VPS53: variants seen among roughly 807,000 people sequenced by gnomAD.
VPS53 encodes vacuolar protein sorting-associated protein 53 homolog.
Under a neutral mutation model 107.0 loss-of-function variants are expected in VPS53, and 70 were observed. That is an observed-to-expected ratio of 0.65 (90% CI 0.54 to 0.80). The LOEUF is 0.80. Among genes scored for constraint, VPS53 ranks in the 30% least tolerant of loss-of-function variants. VPS53 has a pLI of 0.00. For synonymous variants in VPS53, 409 were observed against 393.3 expected (o/e 1.04, Z -0.47); for missense variants, 917 against 1,049.4 (o/e 0.87, Z 1.74).
chr17:646,173 T>C (rs1231289247), intron 7 of VPS53, among the ~76,000 whole-genome samples: 2 of 122,330 alleles, frequency 1.6e-5, no homozygotes, highest in East Asian at 3.0e-4. Context: ...TTCTAATTCA[T>C]ACCACGGACT....
rs1208808537 is a variant in VPS53, at chr17:629,946, C to G, written c.687+1604G>C. On this transcript the variant is annotated intron_variant, in intron 8 of 21. Transcript: ENST00000437048. ...CTGGGAAAAAAAATATAAAGCAGGCCTCTTCTAAACAATAAAGATGGGCTT... is the reference window on the plus strand; with the variant it reads ...CTGGGAAAAAAAATATAAAGCAGGCGTCTTCTAAACAATAAAGATGGGCTT... 2.6e-5 allele frequency among the ~76,000 whole-genome samples: 4 copies of G among 151,866 alleles called. No homozygotes were observed. In the South Asian group the frequency reaches 8.3e-4, roughly 32 times the overall value.
At chr17:589,047 T>C (rs909437383) in intron 12 of VPS53, among the ~76,000 whole-genome samples, 6 of 152,062 alleles carry the variant, frequency 3.9e-5, no homozygotes, top group African/African-American at 1.4e-4. Context: ...TATCTTTTTA[T>C]TAATTAAATA....
chr17:628,118 C>T lies in VPS53; in HGVS notation c.801G>A (p.Glu267=), dbSNP rs1188712069. 6.2e-7 allele frequency: 1 copy of T among 1,613,586 alleles called. No individual in the cohort carries two copies. The highest frequency in any genetic ancestry group is 8.5e-7 in the Non-Finnish European group (1 of 1,179,860). The change falls in exon 9 of 22, where the codon GAG becomes GAA. Residue 267 remains glutamate, a synonymous_variant. Coordinates refer to ENST00000437048, the MANE Select transcript of VPS53 (RefSeq NM_001128159.3). ...IKKFIKQHLS[E]YLVLFQENQD... is the part of the protein sequence containing the mutation. ...GGTTTTCTTGAAAAAGTACCAGATACTCTGACAGATGCTGTTTAATAAACT... is the reference window on the plus strand; with the variant it reads ...GGTTTTCTTGAAAAAGTACCAGATATTCTGACAGATGCTGTTTAATAAACT...
At chr17:598,130 C>T (rs1316625122) in intron 12 of VPS53, among the ~76,000 whole-genome samples, 2 of 152,246 alleles carry the variant, frequency 1.3e-5, no homozygotes, top group Non-Finnish European at 2.9e-5. Context: ...CGCCGCCACA[C>T]CTGACTGGTT....
At chr17:541,599 G>A (rs1437402413) in intron 17 of VPS53, among the ~76,000 whole-genome samples, 16 of 144,656 alleles carry the variant, frequency 1.1e-4, no homozygotes, top group Non-Finnish European at 2.1e-4. Flanking sequence ...AGGTGCTGAA[G>A]GAACGTTTAT....
chr17:551,448 G>A (rs2151837188), intron 17 of VPS53, among the ~76,000 whole-genome samples: 1 of 152,176 alleles, frequency 6.6e-6, no homozygotes, highest in South Asian at 2.1e-4. Context: ...TGCACCTGTG[G>A]TCTCAGCTAC....
chr17:590,998 C>T (rs1967615725), intron 12 of VPS53, among the ~76,000 whole-genome samples: 2 of 151,894 alleles, frequency 1.3e-5, no homozygotes, highest in African/African-American at 4.8e-5. Flanking sequence ...GCTGTGAATC[C>T]ATCTGGTCCT....
intron 2 of VPS53, among the ~76,000 whole-genome samples, chr17:703,801 T>A (rs891967446): frequency 2.0e-5 from 3 of 150,578 alleles, no homozygotes; most frequent in Admixed American, 1.3e-4. Context: ...CAATTTGGCA[T>A]CTTTTTTTTT....
At chr17:624,394 C>A (rs1969600878) in intron 10 of VPS53, among the ~76,000 whole-genome samples, 1 of 152,194 alleles carries the variant, frequency 6.6e-6, no homozygotes, top group Non-Finnish European at 1.5e-5. Context: ...AAGTGGCAAG[C>A]ACGCTTAGCT....
At chr17:545,076 T>C (rs116393017) in intron 17 of VPS53, among the ~76,000 whole-genome samples, 1,542 of 152,136 alleles carry the variant, frequency 0.01, 25 homozygotes, top group African/African-American at 0.036. Context: ...GTGAAGAAAT[T>C]TTTTTATGAA....
rs1908393870 is a variant in VPS53 at position 517,522 on chromosome 17, A to C, written c.*1606T>G. On this transcript the variant is annotated 3_prime_UTR_variant, in exon 22 of 22. Coordinates refer to ENST00000437048, the MANE Select transcript of VPS53 (RefSeq NM_001128159.3). ...TATGGATTTTAAGGAAATTTCCTCT[A>C]TCCTGAAAACTTTTTGAGAAGGGGT... The C allele has an allele frequency of 2.5e-6, 1 of 398,212 alleles. No homozygotes were observed. Among genetic ancestry groups the C allele is most frequent in the Admixed American group, 4.4e-5 (1 of 22,694 alleles). The allele number at this position is 398,212 out of a possible 1,614,324, so 24.7% of individuals were successfully genotyped here.
intron 4 of VPS53, among the ~76,000 whole-genome samples, chr17:679,023 A>G (rs907986217): frequency 1.3e-5 from 2 of 152,190 alleles, no homozygotes; most frequent in African/African-American, 2.4e-5. Flanking sequence ...CTCTTCTTAC[A>G]TAACAAGAAG....
intron 5 of VPS53, 67 bp downstream of exon 5, chr17:661,742 G>A (rs1444101328): frequency 6.9e-7 from 1 of 1,444,134 alleles, no homozygotes; most frequent in Non-Finnish European, 9.4e-7. Context: ...CTCATTATTA[G>A]AATGCCTAGA....
chr17:680,560 T>C (rs187633940), intron 4 of VPS53, among the ~76,000 whole-genome samples: 96 of 152,324 alleles, frequency 6.3e-4, no homozygotes, highest in African/African-American at 1.9e-3. Context: ...CAGTACATGC[T>C]GAGAGGGCAT....
chr17:713,548 G>A (rs942710037), intron 1 of VPS53, among the ~76,000 whole-genome samples: 1 of 152,122 alleles, frequency 6.6e-6, no homozygotes, highest in African/African-American at 2.4e-5. Flanking sequence ...AGCTACTCAG[G>A]AGGCTGAGGC....
At chr17:643,782 AAGGACAACACTCATACTTGGCAACTG>A (rs1567702060) in intron 7 of VPS53, among the ~76,000 whole-genome samples, 1 of 145,380 alleles carries the variant, frequency 6.9e-6, no homozygotes, top group African/African-American at 2.5e-5. Context: ...CTTGGAAATC[AAGGACAACACTCATACTTGGCAACTG>A]AGGACAACAC....
At position 714,809 on chromosome 17, in the gene VPS53, T is replaced by A. The variant is rs992387053; in HGVS notation, c.-100A>T. Reference sequence around the variant, plus strand: ...CAGCAACTCCCTCGCGGCAGCGACCTGGTGAGCCCGGCTCCGTCAGCCGCT... The same window carrying A: ...CAGCAACTCCCTCGCGGCAGCGACCAGGTGAGCCCGGCTCCGTCAGCCGCT... On this transcript the variant is annotated 5_prime_UTR_variant, in exon 1 of 22. Transcript: ENST00000437048. 7.4e-7 allele frequency: 1 copy of A among 1,351,404 alleles called. No individual in the cohort carries two copies. Among genetic ancestry groups the A allele is most frequent in the East Asian group, 2.3e-5 (1 of 43,206 alleles). 83.7% of individuals were successfully genotyped at this position (1,351,404 alleles called of 1,614,324 possible).
intron 13 of VPS53, among the ~76,000 whole-genome samples, chr17:576,278 A>G (rs1347760668): frequency 1.3e-5 from 2 of 151,918 alleles, no homozygotes; most frequent in East Asian, 3.9e-4. Flanking sequence ...GCGTTCTCAG[A>G]TAACTTCCCT....
At chr17:688,331 T>C (rs560433806) in intron 4 of VPS53, among the ~76,000 whole-genome samples, 5 of 152,178 alleles carry the variant, frequency 3.3e-5, no homozygotes, top group Non-Finnish European at 7.3e-5. Context: ...CCTGCCACCT[T>C]GTGAAGAAGG....
Sources: gnomAD v4.1 joint callset for allele counts (sites outside exome capture counted in the v4.1 genomes callset) on GRCh38, gnomAD v4.1.1 for gene constraint, MANE v1.5 for transcripts, NCBI Gene and HGNC (gene_info 2026-07-23, HGNC 2026-07-21) for gene names.